The following CCBE1 variants were observed in gnomAD, a reference collection of about 807,000 sequenced individuals.
CCBE1 encodes the protein collagen and calcium-binding EGF domain-containing protein 1.
Under a neutral mutation model 50.0 loss-of-function variants are expected in CCBE1, and 37 were observed. The observed-to-expected ratio is 0.74, with a 90% CI of 0.57 to 0.97. The LOEUF (loss-of-function observed/expected upper bound fraction) is 0.97. CCBE1 is among the 50% of genes least tolerant of loss of function. The pLI is 0.00. For missense variants in CCBE1, 538 were observed against 523.8 expected, an observed-to-expected ratio of 1.03 and a Z score of -0.26; for synonymous variants, 234 against 203.7, an observed-to-expected ratio of 1.15 and a Z score of -1.27.
At chr18:59,660,761 A>C (rs545231116) in intron 2 of CCBE1, among the ~76,000 whole-genome samples, 2 of 152,336 alleles carry the variant, frequency 1.3e-5, no homozygotes, top group East Asian at 3.9e-4. Context: ...TAATTCAAAA[A>C]TACTTTCTGA....
At chr18:59,466,964 T>C in intron 4 of CCBE1, 73 bp from the exon 5 acceptor site, 1 of 1,343,850 alleles carries the variant, frequency 7.4e-7, no homozygotes, top group African/African-American at 1.4e-5. Context: ...GACATTGGGC[T>C]TTGCCTCTCT....
chr18:59,503,541 G>T (rs1291774993), intron 2 of CCBE1, among the ~76,000 whole-genome samples: 1 of 152,172 alleles, frequency 6.6e-6, no homozygotes, highest in Non-Finnish European at 1.5e-5. Context: ...ACTTGGAAAT[G>T]TTTCCAGTCT....
chr18:59,509,021 C>T (rs1914014667), intron 2 of CCBE1, among the ~76,000 whole-genome samples: 1 of 152,160 alleles, frequency 6.6e-6, no homozygotes, highest in African/African-American at 2.4e-5. Flanking sequence ...TTCTCATTTA[C>T]CTTGTCTTCT....
At chr18:59,473,832 T>A (rs200056764) in intron 3 of CCBE1, among the ~76,000 whole-genome samples, 15 of 119,200 alleles carry the variant, frequency 1.3e-4, no homozygotes, top group Non-Finnish European at 1.6e-4. Context: ...ACTACTCACC[T>A]TCCAACCCTC....
intron 2 of CCBE1, among the ~76,000 whole-genome samples, chr18:59,637,271 A>G (rs1052373807): frequency 2.0e-5 from 3 of 152,188 alleles, no homozygotes; most frequent in African/African-American, 2.4e-5. Context: ...ATCTTTCACT[A>G]TTAGTCTCTC....
intron 2 of CCBE1, among the ~76,000 whole-genome samples, chr18:59,587,161 T>G (rs989605820): frequency 6.6e-6 from 1 of 152,244 alleles, no homozygotes; most frequent in Non-Finnish European, 1.5e-5. Context: ...AAAATTAAGA[T>G]GTACTTCCCA....
chr18:59,682,120 T>G (rs903058035), intron 2 of CCBE1, among the ~76,000 whole-genome samples: 3 of 152,176 alleles, frequency 2.0e-5, no homozygotes, highest in African/African-American at 7.2e-5. Flanking sequence ...TCCCAGCACT[T>G]TGGGAGGCCA....
intron 3 of CCBE1, among the ~76,000 whole-genome samples, chr18:59,471,517 G>A (rs185556579): frequency 6.6e-6 from 1 of 152,288 alleles, no homozygotes; most frequent in African/African-American, 2.4e-5. Context: ...TGCTGAGCCT[G>A]GAAGTATGCT....
At position 59,626,152 on chromosome 18, in the gene CCBE1, A is replaced by G. The variant is rs889296514; in HGVS notation, c.212+70477T>C. ...TGGACAAATAAACAGAGGGCACTCA[A>G]TTTGACCAATCTTAGTATCTATTTT... On this transcript the variant is annotated intron_variant, in intron 2 of 10. Coordinates refer to ENST00000439986, the MANE Select transcript of CCBE1 (RefSeq NM_133459.4). 8.5e-5 allele frequency among the ~76,000 whole-genome samples: 13 copies of G among 152,320 alleles called. No homozygotes were observed. The South Asian group carries it at 1.7e-3, about 19-fold the overall frequency.
chr18:59,518,726 C>T (rs2144319030), intron 2 of CCBE1, among the ~76,000 whole-genome samples: 1 of 152,346 alleles, frequency 6.6e-6, no homozygotes, highest in South Asian at 2.1e-4. Flanking sequence ...TCTGTCCTCA[C>T]ACTTTCCATG....
chr18:59,535,440 C>T (rs1159380225), intron 2 of CCBE1, among the ~76,000 whole-genome samples: 1 of 152,238 alleles, frequency 6.6e-6, no homozygotes, highest in Non-Finnish European at 1.5e-5. Context: ...TTCTCATACT[C>T]TGCTGTTGCA....
intron 2 of CCBE1, among the ~76,000 whole-genome samples, chr18:59,682,804 T>G (rs1030610983): frequency 4.6e-5 from 7 of 152,254 alleles, no homozygotes; most frequent in African/African-American, 1.4e-4. Context: ...TGGATGACCC[T>G]CAGTTCTAAC....
At chr18:59,627,449 C>T (rs191117154) in intron 2 of CCBE1, among the ~76,000 whole-genome samples, 17 of 152,254 alleles carry the variant, frequency 1.1e-4, no homozygotes, top group Non-Finnish European at 2.1e-4. Flanking sequence ...CTGTGTCCCC[C>T]AAAAAGACAT....
chr18:59,614,129 C>G (rs1463312885), intron 2 of CCBE1, among the ~76,000 whole-genome samples: 1 of 152,116 alleles, frequency 6.6e-6, no homozygotes, highest in Non-Finnish European at 1.5e-5. Flanking sequence ...TCTCAGCCTC[C>G]TGAGTAGCTG....
chr18:59,584,235 T>G (rs1223729181), intron 2 of CCBE1, among the ~76,000 whole-genome samples: 1 of 150,736 alleles, frequency 6.6e-6, no homozygotes, highest in African/African-American at 2.4e-5. Context: ...TCATTCTCAG[T>G]AAACTATCGC....
At chr18:59,668,352 G>A (rs767597959) in intron 2 of CCBE1, among the ~76,000 whole-genome samples, 7 of 151,970 alleles carry the variant, frequency 4.6e-5, no homozygotes, top group South Asian at 2.1e-4. Flanking sequence ...GGGAGGCAGA[G>A]GTTGCAGTGA....
At chr18:59,687,427 A>C (rs1186837128) in intron 2 of CCBE1, among the ~76,000 whole-genome samples, 1 of 152,088 alleles carries the variant, frequency 6.6e-6, no homozygotes, top group East Asian at 1.9e-4. Context: ...TTTTCTCTAC[A>C]CCACATCATT....
At chr18:59,591,939 G>A (rs1599042481) in intron 2 of CCBE1, among the ~76,000 whole-genome samples, 1 of 152,184 alleles carries the variant, frequency 6.6e-6, no homozygotes, top group Non-Finnish European at 1.5e-5. Flanking sequence ...AATGCAAAAT[G>A]CTCCAAAATC....
chr18:59,573,454 C>T (rs1343487092), intron 2 of CCBE1, among the ~76,000 whole-genome samples: 2 of 151,432 alleles, frequency 1.3e-5, no homozygotes, highest in Non-Finnish European at 2.9e-5. Context: ...CAGCTCTTAC[C>T]TCAATCTCCA....
Sources: gnomAD v4.1 joint callset for allele counts (sites outside exome capture counted in the v4.1 genomes callset) on GRCh38, gnomAD v4.1.1 for gene constraint, MANE v1.5 for transcripts, NCBI Gene and HGNC (gene_info 2026-07-23, HGNC 2026-07-21) for gene names.